The following GGACT variants were observed in gnomAD, a reference collection of about 807,000 sequenced individuals.
GGACT encodes the protein gamma-glutamylamine cyclotransferase.
For missense variants in GGACT, 241 were observed against 233.2 expected, an observed-to-expected ratio of 1.03 and a Z score of -0.22; for synonymous variants, 118 against 115.3, an observed-to-expected ratio of 1.02 and a Z score of -0.15.
rs3059679 is a variant in GGACT, at chr13:100,531,263, C to CTGTTTGTT, written c.*866_*867insAACAAACA. On this transcript the variant is annotated 3_prime_UTR_variant, in exon 3 of 3. Transcript: ENST00000683975. ...TGCCTTGCTAAAATTATTTTAAGTG[C>CTGTTTGTT]TGTTTGTATTTGGAAGCTAAGCTTC... 1.3e-5 allele frequency: 2 copies of CTGTTTGTT among 151,766 alleles called. No individual in the cohort carries two copies. Among genetic ancestry groups the CTGTTTGTT allele is most frequent in the South Asian group, 4.1e-4 (2 of 4,822 alleles). The allele number at this position is 151,766 out of a possible 1,614,324, so 9.4% of individuals were successfully genotyped here.
intron 1 of GGACT, among the ~76,000 whole-genome samples, chr13:100,584,628 C>T (rs1252600506): frequency 1.3e-5 from 2 of 151,948 alleles, no homozygotes; most frequent in Non-Finnish European, 2.9e-5. Flanking sequence ...CTAAGAGTAT[C>T]GTTAGATTGT....
chr13:100,543,185 A>C (rs1464922183), intron 2 of GGACT, among the ~76,000 whole-genome samples: 1 of 148,240 alleles, frequency 6.7e-6, no homozygotes, highest in Non-Finnish European at 1.5e-5. Context: ...AAGGATTTTA[A>C]AAAGACACCA....
chr13:100,571,193 T>A (rs1875072338), intron 2 of GGACT, among the ~76,000 whole-genome samples: 1 of 152,208 alleles, frequency 6.6e-6, no homozygotes, highest in Non-Finnish European at 1.5e-5. Flanking sequence ...ACATGGGAAC[T>A]GGCACATGAG....
intron 2 of GGACT, among the ~76,000 whole-genome samples, chr13:100,546,361 C>CAAAA (rs778470021): frequency 3.3e-4 from 18 of 54,520 alleles, no homozygotes; most frequent in African/African-American, 6.4e-4. Context: ...GACTCTGTCT[C>CAAAA]AAAAAAAAAA....
At chr13:100,561,951 A>T (rs2153015285) in intron 2 of GGACT, among the ~76,000 whole-genome samples, 1 of 152,336 alleles carries the variant, frequency 6.6e-6, no homozygotes, top group Non-Finnish European at 1.5e-5. Context: ...ATAGGAAATC[A>T]TTAACTCTGC....
chr13:100,575,451 A>G (rs1875220869), intron 2 of GGACT, among the ~76,000 whole-genome samples: 2 of 152,222 alleles, frequency 1.3e-5, no homozygotes, highest in African/African-American at 4.8e-5. Context: ...ACAAATTTCG[A>G]CTTGTTTTCT....
intron 2 of GGACT, among the ~76,000 whole-genome samples, chr13:100,548,819 A>G (rs184502409): frequency 8.5e-5 from 13 of 152,404 alleles, no homozygotes; most frequent in Admixed American, 7.8e-4. Context: ...CAAAGCCACA[A>G]CAGGGTGGGA....
intron 2 of GGACT, among the ~76,000 whole-genome samples, chr13:100,577,927 T>C (rs905840888): frequency 6.6e-6 from 1 of 152,172 alleles, no homozygotes; most frequent in Non-Finnish European, 1.5e-5. Flanking sequence ...GGCCAATTTG[T>C]ACCTAATTGT....
intron 2 of GGACT, among the ~76,000 whole-genome samples, chr13:100,549,481 T>C (rs565710336): frequency 1.3e-5 from 2 of 152,306 alleles, no homozygotes; most frequent in South Asian, 4.1e-4. Context: ...CCCAGAAACA[T>C]GAAATCAGGA....
At chr13:100,546,131 C>T (rs1178737073) in intron 2 of GGACT, among the ~76,000 whole-genome samples, 2 of 151,932 alleles carry the variant, frequency 1.3e-5, no homozygotes, top group Admixed American at 1.3e-4. Context: ...GAGGCCGAGG[C>T]GGGTGGATCA....
intron 2 of GGACT, among the ~76,000 whole-genome samples, chr13:100,544,080 C>T (rs1005172645): frequency 2.0e-5 from 3 of 152,172 alleles, no homozygotes; most frequent in Non-Finnish European, 2.9e-5. Context: ...GAGTCACATG[C>T]GATGTTGTGC....
chr13:100,560,076 A>G (rs1387214600), intron 2 of GGACT, among the ~76,000 whole-genome samples: 2 of 152,206 alleles, frequency 1.3e-5, no homozygotes, highest in Admixed American at 1.3e-4. Context: ...GGCAGAGCAG[A>G]GGCTGCAAAG....
intron 2 of GGACT, among the ~76,000 whole-genome samples, chr13:100,544,890 A>G (rs988583054): frequency 2.6e-5 from 4 of 152,256 alleles, no homozygotes; most frequent in African/African-American, 9.6e-5. Context: ...CAGGCCAGGG[A>G]ACGAGCTCTA....
chr13:100,532,696 G>A, intron 2 of GGACT, 95 bp from the exon 3 acceptor site: 2 of 967,902 alleles, frequency 2.1e-6, no homozygotes, highest in Non-Finnish European at 3.0e-6. Flanking sequence ...CTCCACTGGG[G>A]CCGCACCACC....
At chr13:100,533,862 C>CG (rs1566527604) in intron 2 of GGACT, 2 of 152,318 alleles carry the variant, frequency 1.3e-5, no homozygotes, top group East Asian at 3.9e-4. Context: ...CCGCTCTCCC[C>CG]GGCCCCTCGC....
intron 2 of GGACT, among the ~76,000 whole-genome samples, chr13:100,565,757 C>A (rs1363966309): frequency 6.6e-6 from 1 of 152,182 alleles, no homozygotes; most frequent in Non-Finnish European, 1.5e-5. Flanking sequence ...GCCTGTCCAG[C>A]TGTGGGGACT....
intron 2 of GGACT, among the ~76,000 whole-genome samples, chr13:100,576,655 G>A (rs1487620396): frequency 6.6e-6 from 1 of 152,182 alleles, no homozygotes; most frequent in African/African-American, 2.4e-5. Flanking sequence ...TGAAAAATCA[G>A]CCTCAAAGGT....
At chr13:100,551,297 A>G (rs894667006) in intron 2 of GGACT, among the ~76,000 whole-genome samples, 3 of 152,058 alleles carry the variant, frequency 2.0e-5, no homozygotes, top group Non-Finnish European at 4.4e-5. Context: ...AAAAAAACAA[A>G]AACCCATAAT....
At chr13:100,563,945 G>A (rs1394322569) in intron 2 of GGACT, among the ~76,000 whole-genome samples, 1 of 152,114 alleles carries the variant, frequency 6.6e-6, no homozygotes, top group African/African-American at 2.4e-5. Context: ...ACCCCTGGGG[G>A]CCTGTGGGCT....
Sources: allele counts gnomAD v4.1 joint callset (sites outside exome capture counted in the v4.1 genomes callset), GRCh38; gene constraint gnomAD v4.1.1; transcripts MANE v1.5; gene names NCBI Gene and HGNC (gene_info 2026-07-23, HGNC 2026-07-21).